The following CNRIP1 variants were observed in gnomAD, a reference collection of about 807,000 sequenced individuals.
CNRIP1 encodes the protein cannabinoid receptor interacting protein 1, also known as CB1 cannabinoid receptor-interacting protein 1.
CNRIP1 carries 10 observed loss-of-function variants against 15.2 expected under a neutral mutation model. The observed-to-expected ratio is 0.66, with a 90% confidence interval of 0.41 to 1.12. CNRIP1 has a LOEUF of 1.12. Among genes scored for constraint, CNRIP1 ranks in the 50% most tolerant of loss-of-function variants. CNRIP1 has a pLI of 0.00. For missense variants in CNRIP1, 211 were observed against 214.7 expected, an observed-to-expected ratio of 0.98 and a Z score of 0.11; for synonymous variants, 91 against 83.2, an observed-to-expected ratio of 1.09 and a Z score of -0.51.
At chr2:68,302,272 A>G (rs561520694) in intron 2 of CNRIP1, among the ~76,000 whole-genome samples, 32 of 152,072 alleles carry the variant, frequency 2.1e-4, no homozygotes, top group African/African-American at 6.5e-4. Flanking sequence ...ACGAGGACCA[A>G]CTTCTATATT....
intron 2 of CNRIP1, among the ~76,000 whole-genome samples, chr2:68,298,555 A>T (rs1166911689): frequency 6.6e-6 from 1 of 152,204 alleles, no homozygotes; most frequent in Non-Finnish European, 1.5e-5. Context: ...CTCAGTAACA[A>T]AGGAGACCAA....
At chr2:68,298,502 G>A (rs1418826391) in intron 2 of CNRIP1, among the ~76,000 whole-genome samples, 1 of 152,014 alleles carries the variant, frequency 6.6e-6, no homozygotes, top group Admixed American at 6.6e-5. Context: ...AAAACGTAAG[G>A]CTTATGTCTA....
chr2:68,311,779 G>GGAAAAAAAAAAAAA (rs397984916), intron 2 of CNRIP1, among the ~76,000 whole-genome samples: 1 of 90,268 alleles, frequency 1.1e-5, no homozygotes, highest in African/African-American at 5.0e-5. Flanking sequence ...CATCTCCGGG[G>GGAAAAAAAAAAAAA]AAAAAAAAAA....
At chr2:68,284,902 T>A (rs75280321) in intron 2 of CNRIP1, among the ~76,000 whole-genome samples, 1 of 152,080 alleles carries the variant, frequency 6.6e-6, no homozygotes, top group East Asian at 1.9e-4. Context: ...AAGGGCTAGA[T>A]TGTTTCTTTG....
intron 1 of CNRIP1, 37 bp from the exon 2 acceptor site, chr2:68,317,344 T>TA: frequency 6.2e-7 from 1 of 1,607,822 alleles, no homozygotes. Context: ...ACGGTTGAAA[T>TA]TAGCCTAGGC....
At position 68,293,919 on chromosome 2, in the gene CNRIP1, T is replaced by C. The variant is rs1671251321; in HGVS notation, c.438A>G (p.Glu146=). Residue 146 remains glutamate, a synonymous_variant, in exon 3 of 3, where the codon GAA becomes GAG. Transcript: ENST00000263655. ...GACTGCGTGTCTCGTTGGGCTTGCA[T>C]TCATACTCAATGACAGAGAAGGGGC... The part of the protein sequence containing the change: ...WGSPFSVIEY[E]CKPNETRSLM... 6.2e-7 allele frequency: 1 copy of C among 1,614,000 alleles called. No individual in the cohort carries two copies. Among genetic ancestry groups the C allele is most frequent in the Non-Finnish European group, 8.5e-7 (1 of 1,180,012 alleles).
chr2:68,289,208 A>G (rs1671102813), downstream of CNRIP1, among the ~76,000 whole-genome samples: 1 of 152,148 alleles, frequency 6.6e-6, no homozygotes, highest in South Asian at 2.1e-4. Flanking sequence ...TGATGTTTGT[A>G]TATTCTTCAA....
chr2:68,315,411 T>C (rs1253791587), intron 2 of CNRIP1, among the ~76,000 whole-genome samples: 4 of 152,150 alleles, frequency 2.6e-5, no homozygotes, highest in Non-Finnish European at 5.9e-5. Flanking sequence ...GGCAGTCTTA[T>C]AAAATGCCTT....
rs80351159 is a variant in CNRIP1 at position 68,317,411 on chromosome 2, G to C, written c.180-104C>G. 8.4e-3 allele frequency: 10,335 copies of C among 1,236,452 alleles called. 644 individuals are homozygous for C. The African/African-American group carries it at 0.13, about 16-fold the overall frequency. The allele number at this position is 1,236,452 out of a possible 1,614,324, so 76.6% of individuals were successfully genotyped here. On this transcript the variant is annotated intron_variant, in intron 1 of 2. Coordinates refer to ENST00000263655, the MANE Select transcript of CNRIP1 (RefSeq NM_015463.3). ...CAGGAAACTTACAGGGTTTCACTAA[G>C]GGGGGCATTGTGGTGCGGGAGAAAG... is the stretch of plus-strand genomic sequence containing the variant.
At chr2:68,299,931 A>G (rs865977692) in intron 2 of CNRIP1, among the ~76,000 whole-genome samples, 3 of 152,226 alleles carry the variant, frequency 2.0e-5, no homozygotes, top group Non-Finnish European at 4.4e-5. Context: ...GTAGAAATCC[A>G]TTGGCTTGGG....
chr2:68,316,939 G>C (rs1672292596), intron 2 of CNRIP1: 1 of 642,528 alleles, frequency 1.6e-6, no homozygotes, highest in Non-Finnish European at 2.8e-6. Flanking sequence ...TTCTGCTTAT[G>C]GTGTCTTTTC....
intron 2 of CNRIP1, among the ~76,000 whole-genome samples, chr2:68,285,747 G>A (rs1188798309): frequency 6.6e-6 from 1 of 152,064 alleles, no homozygotes. Flanking sequence ...ATGTGTGCAT[G>A]TGTGTGCATG....
intron 2 of CNRIP1, among the ~76,000 whole-genome samples, chr2:68,300,960 T>C (rs1404479991): frequency 2.6e-5 from 4 of 152,318 alleles, no homozygotes; most frequent in Middle Eastern, 3.4e-3. Flanking sequence ...AATGGCTGCA[T>C]TGATAAATTC....
intron 2 of CNRIP1, among the ~76,000 whole-genome samples, chr2:68,313,470 C>G (rs940764555): frequency 6.6e-6 from 1 of 152,132 alleles, no homozygotes; most frequent in Non-Finnish European, 1.5e-5. Flanking sequence ...GGTATATCCA[C>G]ACAACATAAT....
chr2:68,291,452 G>A (rs1671166348), downstream of CNRIP1, among the ~76,000 whole-genome samples: 1 of 152,176 alleles, frequency 6.6e-6, no homozygotes, highest in South Asian at 2.1e-4. Flanking sequence ...CCACGCTCCA[G>A]GTGCTCTGCC....
intron 2 of CNRIP1, among the ~76,000 whole-genome samples, chr2:68,304,626 C>CTT (rs11292248): frequency 7.3e-6 from 1 of 136,980 alleles, no homozygotes; most frequent in African/African-American, 2.8e-5. Flanking sequence ...ATCTGGTTGT[C>CTT]TTTTTTTTTT....
intron 2 of CNRIP1, among the ~76,000 whole-genome samples, chr2:68,307,479 G>T (rs564084259): frequency 1.4e-4 from 22 of 152,046 alleles, no homozygotes; most frequent in Non-Finnish European, 3.1e-4. Flanking sequence ...ATGTCACCAC[G>T]CCTGGCTCAT....
At chr2:68,311,512 A>G (rs1479446459) in intron 2 of CNRIP1, among the ~76,000 whole-genome samples, 1 of 152,156 alleles carries the variant, frequency 6.6e-6, no homozygotes, top group Non-Finnish European at 1.5e-5. Context: ...GGCAGCTCAT[A>G]CCTGTAATCT....
In CNRIP1 at chr2:68,317,182, C is replaced by T. The variant is rs371968399; in HGVS notation, c.305G>A (p.Arg102Gln). Residue 102 changes from arginine (R) to glutamine (Q), a missense_variant, in exon 2 of 3, where the codon CGG becomes CAG. Arg to Gln is a conservative substitution (Grantham distance 43). Transcript: ENST00000263655. ...EGVTPTKSGE[R>Q]QPIQITMPFT... is the part of the protein sequence containing the mutation. ...CGGCATGGTGATCTGGATGGGTTGC[C>T]GTTCTCCACTCTTCGTTGGGGTCAC... The T allele has an allele frequency of 8.1e-6, 13 of 1,614,054 alleles. No individual in the cohort carries two copies. The highest frequency in any genetic ancestry group is 4.0e-5 in the African/African-American group (3 of 74,922).
Sources: allele counts gnomAD v4.1 joint callset (sites outside exome capture counted in the v4.1 genomes callset), GRCh38; gene constraint gnomAD v4.1.1; transcripts MANE v1.5; gene names NCBI Gene and HGNC (gene_info 2026-07-23, HGNC 2026-07-21).